DLG2: variants seen among roughly 807,000 people sequenced by gnomAD.
The protein encoded by DLG2 is disks large homolog 2.
DLG2 carries 45 observed loss-of-function variants against 132.5 expected under a neutral mutation model. The observed-to-expected ratio is 0.34, with a 90% CI of 0.27 to 0.44. The LOEUF (loss-of-function observed/expected upper bound fraction) is 0.44, where lower values mean the gene tolerates loss of function less well. Among genes scored for constraint, DLG2 ranks in the 20% least tolerant of loss-of-function variants. The pLI is 1.00. For missense variants in DLG2, 1,045 were observed against 1,196.9 expected (o/e 0.87, Z 1.87); for synonymous variants, 424 against 419.6 (o/e 1.01, Z -0.13).
chr11:85,202,578 C>A (rs1029125915), intron 4 of DLG2, among the ~76,000 whole-genome samples: 4 of 152,114 alleles, frequency 2.6e-5, no homozygotes, highest in Admixed American at 6.6e-5. Context: ...TTTCATTCAA[C>A]TGCTACAGAA....
intron 18 of DLG2, among the ~76,000 whole-genome samples, chr11:83,727,026 G>C (rs2090138179): frequency 6.6e-6 from 1 of 152,142 alleles, no homozygotes; most frequent in Non-Finnish European, 1.5e-5. Flanking sequence ...ACTTCTAGTA[G>C]AGAACTTCTG....
At chr11:85,094,769 C>A (rs543031369) in intron 6 of DLG2, among the ~76,000 whole-genome samples, 3 of 152,316 alleles carry the variant, frequency 2.0e-5, no homozygotes, top group African/African-American at 7.2e-5. Context: ...CATTCATGTG[C>A]TTACTGGAGT....
Position 85,406,629 on chromosome 11 carries a change from A to T in DLG2, c.41-121264T>A, listed in dbSNP as rs541252062. Among the ~76,000 whole-genome samples, 3 of 152,018 alleles carry T rather than the reference A, an allele frequency of 2.0e-5. No individual in the cohort carries two copies. In the South Asian group the frequency reaches 6.2e-4, roughly 31 times the overall value. ...GAGTCAGAAAAACTATTTGATATAAAGAATTTCTCTTCCTCTGGTATTCAA... is the reference window on the plus strand; with the variant it reads ...GAGTCAGAAAAACTATTTGATATAATGAATTTCTCTTCCTCTGGTATTCAA... On this transcript the variant is annotated intron_variant, in intron 3 of 27. Coordinates refer to ENST00000376104, the MANE Select transcript of DLG2 (RefSeq NM_001142699.3).
chr11:84,612,740 T>C (rs1049415568), intron 6 of DLG2, among the ~76,000 whole-genome samples: 1 of 152,162 alleles, frequency 6.6e-6, no homozygotes, highest in African/African-American at 2.4e-5. Flanking sequence ...GCAACTACTA[T>C]GTATATACAC....
chr11:84,713,224 G>A (rs923357143), intron 6 of DLG2, among the ~76,000 whole-genome samples: 1 of 152,002 alleles, frequency 6.6e-6, no homozygotes, highest in African/African-American at 2.4e-5. Flanking sequence ...AATCTAACCT[G>A]CTTAGGTTCA....
chr11:83,943,716 T>A (rs1345753788), intron 14 of DLG2, among the ~76,000 whole-genome samples: 1 of 152,208 alleles, frequency 6.6e-6, no homozygotes, highest in Admixed American at 6.5e-5. Context: ...TTACAGCAAG[T>A]ATAGTCTTTT....
chr11:85,585,435 G>A (rs1441520934), intron 3 of DLG2, among the ~76,000 whole-genome samples: 1 of 152,060 alleles, frequency 6.6e-6, no homozygotes, highest in Non-Finnish European at 1.5e-5. Flanking sequence ...CTCTAAGTAG[G>A]ACTTCCAAAA....
chr11:84,780,411 C>T (rs2071527807), intron 6 of DLG2, among the ~76,000 whole-genome samples: 1 of 152,014 alleles, frequency 6.6e-6, no homozygotes, highest in African/African-American at 2.4e-5. Flanking sequence ...AATATACACA[C>T]AGGAAACATC....
intron 19 of DLG2, among the ~76,000 whole-genome samples, chr11:83,610,673 G>A (rs1265558645): frequency 6.6e-6 from 1 of 151,334 alleles, no homozygotes; most frequent in Non-Finnish European, 1.5e-5. Flanking sequence ...TATGCAATGA[G>A]GTAATAATAA....
chr11:84,832,830 T>G (rs932770444), intron 6 of DLG2, among the ~76,000 whole-genome samples: 1 of 151,548 alleles, frequency 6.6e-6, no homozygotes, highest in Admixed American at 6.6e-5. Context: ...CGCCCCCAGT[T>G]TGGATTATAT....
intron 15 of DLG2, among the ~76,000 whole-genome samples, chr11:83,885,182 G>C (rs1007243488): frequency 5.9e-5 from 9 of 152,164 alleles, no homozygotes; most frequent in African/African-American, 2.2e-4. Flanking sequence ...CAAAGACAAA[G>C]AAGGTAAAAA....
intron 5 of DLG2, among the ~76,000 whole-genome samples, chr11:85,112,035 G>A (rs1038217348): frequency 2.6e-5 from 4 of 151,986 alleles, no homozygotes; most frequent in African/African-American, 7.2e-5. Context: ...ACAACCCATA[G>A]GCTGACTGTT....
At chr11:84,262,081 T>C (rs61899193) in intron 7 of DLG2, among the ~76,000 whole-genome samples, 12,564 of 152,188 alleles carry the variant, frequency 0.083, 657 homozygotes, top group African/African-American at 0.15. Flanking sequence ...CTATTCCTCA[T>C]TGCAACCCTA....
chr11:83,765,567 C>T (rs796296572), intron 18 of DLG2, among the ~76,000 whole-genome samples: 82 of 152,282 alleles, frequency 5.4e-4, no homozygotes, highest in African/African-American at 1.9e-3. Flanking sequence ...TGGATTTGGG[C>T]CTATGATACT....
chr11:85,328,709 C>A (rs1254648742), intron 3 of DLG2, among the ~76,000 whole-genome samples: 1 of 151,192 alleles, frequency 6.6e-6, no homozygotes. Context: ...CTTTGAAAAC[C>A]GGCACAAGAC....
chr11:83,837,801 C>T (rs913157662), intron 16 of DLG2, among the ~76,000 whole-genome samples: 1 of 150,494 alleles, frequency 6.6e-6, no homozygotes, highest in Non-Finnish European at 1.5e-5. Context: ...CTTTCCTAGC[C>T]AGTTTGTTGC....
intron 3 of DLG2, among the ~76,000 whole-genome samples, chr11:85,370,928 G>A (rs1220325064): frequency 1.3e-5 from 2 of 152,168 alleles, no homozygotes. Context: ...AAATTCTAAT[G>A]TCTAAGTATA....
chr11:84,479,591 A>C (rs1231239492), intron 7 of DLG2, among the ~76,000 whole-genome samples: 1 of 152,160 alleles, frequency 6.6e-6, no homozygotes, highest in Non-Finnish European at 1.5e-5. Context: ...TTTTTGAAAT[A>C]TAATCCCTTA....
At chr11:84,844,105 TTGTGTGTGTGTGTGTGTG>T (rs1213298818) in intron 6 of DLG2, among the ~76,000 whole-genome samples, 1 of 80,972 alleles carries the variant, frequency 1.2e-5, no homozygotes, top group African/African-American at 4.5e-5. Flanking sequence ...ATATATATGT[TTGTGTGTGTGTGTGTGTG>T]TGTGTGTGTG....
Sources: allele counts gnomAD v4.1 joint callset (sites outside exome capture counted in the v4.1 genomes callset), GRCh38; gene constraint gnomAD v4.1.1; transcripts MANE v1.5; gene names NCBI Gene and HGNC (gene_info 2026-07-23, HGNC 2026-07-21).